The following FER variants were observed in gnomAD, a reference collection of about 807,000 sequenced individuals.
The protein encoded by FER is FER tyrosine kinase, also known as tyrosine-protein kinase Fer.
A neutral mutation model predicts 111.0 loss-of-function variants in FER; 63 were observed. The observed-to-expected ratio is 0.57, with a 90% CI of 0.46 to 0.70. The LOEUF (loss-of-function observed/expected upper bound fraction) is 0.70, where lower values mean the gene tolerates loss of function less well. Ranked by LOEUF, FER falls within the 30% of genes least tolerant of loss-of-function variation. FER has a pLI of 0.00. For synonymous variants in FER, 327 were observed against 313.9 expected (o/e 1.04, Z -0.44); for missense variants, 914 against 954.0 (o/e 0.96, Z 0.55).
intron 17 of FER, among the ~76,000 whole-genome samples, chr5:109,165,312 G>A (rs1036425245): frequency 2.6e-5 from 4 of 152,072 alleles, no homozygotes; most frequent in African/African-American, 9.7e-5. Context: ...TCTAATTTGA[G>A]TGCCTCTAAA....
chr5:108,988,422 T>A (rs1431137814), intron 13 of FER, among the ~76,000 whole-genome samples: 1 of 152,180 alleles, frequency 6.6e-6, no homozygotes, highest in East Asian at 1.9e-4. Flanking sequence ...GGTCCTGGAC[T>A]TTTTTGTTGG....
intron 6 of FER, 83 bp downstream of exon 6, chr5:108,868,033 A>G (rs1580962165): frequency 4.5e-6 from 6 of 1,326,202 alleles, no homozygotes; most frequent in East Asian, 5.0e-5. Flanking sequence ...GTGTTGCTTC[A>G]TAAGTTTTAT....
chr5:109,048,776 T>A (rs1227106486), intron 16 of FER, among the ~76,000 whole-genome samples: 1 of 152,138 alleles, frequency 6.6e-6, no homozygotes, highest in Non-Finnish European at 1.5e-5. Flanking sequence ...GAAAAATGTT[T>A]AATGCAGATG....
chr5:108,933,726 C>T (rs986296916), intron 10 of FER, among the ~76,000 whole-genome samples: 1 of 152,160 alleles, frequency 6.6e-6, no homozygotes, highest in African/African-American at 2.4e-5. Context: ...TTGATTCTTC[C>T]TACCCATGAG....
At chr5:108,853,841 G>T (rs141227964) in intron 5 of FER, among the ~76,000 whole-genome samples, 1 of 152,180 alleles carries the variant, frequency 6.6e-6, no homozygotes, top group African/African-American at 2.4e-5. Context: ...GAGGAGTGAC[G>T]TGAATGAACT....
chr5:109,165,788 G>A (rs1245076596), intron 17 of FER, among the ~76,000 whole-genome samples: 2 of 152,152 alleles, frequency 1.3e-5, no homozygotes, highest in African/African-American at 2.4e-5. Flanking sequence ...CTATGGTGGC[G>A]TTTTAGTATT....
intron 5 of FER, among the ~76,000 whole-genome samples, chr5:108,859,050 T>C (rs1374254722): frequency 1.3e-5 from 2 of 152,030 alleles, no homozygotes; most frequent in Non-Finnish European, 2.9e-5. Flanking sequence ...TATACTTACA[T>C]GTGATTTTGT....
At chr5:109,139,421 G>A (rs1753285238) in intron 17 of FER, among the ~76,000 whole-genome samples, 1 of 146,652 alleles carries the variant, frequency 6.8e-6, no homozygotes, top group Non-Finnish European at 1.5e-5. Context: ...TGCGATCTCG[G>A]CTCACTGCAA....
intron 13 of FER, among the ~76,000 whole-genome samples, chr5:108,973,882 C>A (rs1332105772): frequency 6.6e-6 from 1 of 152,138 alleles, no homozygotes; most frequent in Admixed American, 6.6e-5. Flanking sequence ...CCTTAGGAAT[C>A]ATTTCTTAAT....
At chr5:108,827,660 G>A (rs1376434587) in intron 3 of FER, among the ~76,000 whole-genome samples, 1 of 151,614 alleles carries the variant, frequency 6.6e-6, no homozygotes, top group Non-Finnish European at 1.5e-5. Context: ...ATATTTTTCT[G>A]GGGTGTTTTC....
chr5:108,750,374 A>T (rs1470078133), intron 1 of FER, among the ~76,000 whole-genome samples: 1 of 152,076 alleles, frequency 6.6e-6, no homozygotes, highest in Non-Finnish European at 1.5e-5. Flanking sequence ...CAGGTTTGTC[A>T]GTCGGGAAAG....
intron 1 of FER, among the ~76,000 whole-genome samples, chr5:108,756,267 T>C (rs1580380706): frequency 6.6e-6 from 1 of 151,962 alleles, no homozygotes; most frequent in East Asian, 1.9e-4. Flanking sequence ...TCTATGTACG[T>C]TCTTATATAG....
At chr5:108,852,866 G>T (rs1762659631) in intron 5 of FER, among the ~76,000 whole-genome samples, 1 of 152,154 alleles carries the variant, frequency 6.6e-6, no homozygotes. Flanking sequence ...AAATTGGAAT[G>T]ACAGCTATAA....
At chr5:108,840,296 T>C (rs569741139) in intron 5 of FER, among the ~76,000 whole-genome samples, 1 of 152,336 alleles carries the variant, frequency 6.6e-6, no homozygotes, top group Non-Finnish European at 1.5e-5. Context: ...GAATGTCTCT[T>C]ATACAGGTTG....
intron 1 of FER, among the ~76,000 whole-genome samples, chr5:108,761,453 T>C (rs1751739874): frequency 6.6e-6 from 1 of 152,116 alleles, no homozygotes; most frequent in Non-Finnish European, 1.5e-5. Flanking sequence ...ACATAACACT[T>C]ATCAGTTAAG....
chr5:108,945,771 TTAAATAGGTTCCTTA>T (rs1756904320), intron 10 of FER, among the ~76,000 whole-genome samples: 1 of 152,110 alleles, frequency 6.6e-6, no homozygotes, highest in African/African-American at 2.4e-5. Context: ...AAATAGTCTG[TTAAATAGGTTCCTTA>T]TAGCTTGTGT....
intron 8 of FER, among the ~76,000 whole-genome samples, chr5:108,879,699 A>ATATATATATATAGATATAT (rs1165401708): frequency 1.1e-5 from 1 of 93,526 alleles, no homozygotes; most frequent in Non-Finnish European, 2.1e-5. Context: ...AGATTAAAAA[A>ATATATATATATAGATATAT]AAATATATAT....
intron 5 of FER, among the ~76,000 whole-genome samples, chr5:108,853,524 A>C (rs1366992415): frequency 6.6e-6 from 1 of 152,234 alleles, no homozygotes; most frequent in Non-Finnish European, 1.5e-5. Context: ...TAAATAAAGA[A>C]TGAAGGAAGT....
intron 17 of FER, among the ~76,000 whole-genome samples, chr5:109,146,239 T>G (rs1220022424): frequency 1.2e-5 from 1 of 85,588 alleles, no homozygotes; most frequent in African/African-American, 4.7e-5. Flanking sequence ...ATCTAATATA[T>G]ATATAATCTA....
Sources: gnomAD v4.1 joint callset for allele counts (sites outside exome capture counted in the v4.1 genomes callset) on GRCh38, gnomAD v4.1.1 for gene constraint, MANE v1.5 for transcripts, NCBI Gene and HGNC (gene_info 2026-07-23, HGNC 2026-07-21) for gene names.